Variants in HACL1 observed in about 807,000 individuals in gnomAD.
HACL1 encodes the protein 1600020H07Rik.
HACL1 carries 64 observed loss-of-function variants against 74.2 expected under a neutral mutation model. The ratio of observed to expected loss-of-function variants is 0.86; its 90% confidence interval spans 0.70 to 1.06. HACL1 has a LOEUF of 1.06. Among genes scored for constraint, HACL1 ranks in the 50% least tolerant of loss-of-function variants. HACL1 has a pLI of 0.00. For synonymous variants in HACL1, 230 were observed against 238.8 expected (o/e 0.96, Z 0.34); for missense variants, 728 against 719.7 (o/e 1.01, Z -0.13).
intron 5 of HACL1, 93 bp from the exon 6 acceptor site, chr3:15,586,695 T>C (rs559615554): frequency 2.8e-5 from 21 of 748,404 alleles, no homozygotes; most frequent in Non-Finnish European, 4.2e-5. Flanking sequence ...ATTTCTTTTA[T>C]GTTTAGAGGC....
At chr3:15,581,447 C>T (rs759187209) in intron 8 of HACL1, among the ~76,000 whole-genome samples, 10 of 152,300 alleles carry the variant, frequency 6.6e-5, no homozygotes, top group Admixed American at 6.5e-5. Flanking sequence ...ATGCTCCACT[C>T]TACAAAACTA....
At chr3:15,592,133 C>CAT (rs1559560934) in intron 3 of HACL1, among the ~76,000 whole-genome samples, 6 of 147,600 alleles carry the variant, frequency 4.1e-5, no homozygotes, top group African/African-American at 1.3e-4. Context: ...CGTATACATA[C>CAT]GTGTATATAT....
intron 14 of HACL1, among the ~76,000 whole-genome samples, chr3:15,566,642 C>T (rs997382801): frequency 1.3e-5 from 2 of 151,290 alleles, no homozygotes; most frequent in African/African-American, 4.9e-5. Context: ...GGTGACAAAG[C>T]AAGACCCCAT....
chr3:15,592,530 A>ACGTGTGCG, intron 3 of HACL1, among the ~76,000 whole-genome samples: 1 of 144,004 alleles, frequency 6.9e-6, no homozygotes, highest in African/African-American at 2.5e-5. Context: ...ACATATACAC[A>ACGTGTGCG]TGTATACACA....
chr3:15,585,265 C>A lies in HACL1; in HGVS notation c.537G>T (p.Val179=). 6.4e-7 allele frequency: 1 copy of A among 1,564,670 alleles called. No individual in the cohort carries two copies. The highest frequency in any genetic ancestry group is 8.8e-7 in the Non-Finnish European group (1 of 1,135,050). The part of the protein sequence containing the change: ...DIPADFVNLQ[V]NVNSIKYMER... ...TTACTCACTTTATAGAATTCACATT[C>A]ACCTGAAGGTTCACAAAATCTGCTG... Residue 179 remains valine, a synonymous_variant, in exon 7 of 17, where the codon GTG becomes GTT. Coordinates refer to ENST00000321169, the MANE Select transcript of HACL1 (RefSeq NM_012260.4).
intron 3 of HACL1, among the ~76,000 whole-genome samples, chr3:15,593,844 C>T (rs1000154353): frequency 2.1e-5 from 3 of 141,712 alleles, no homozygotes; most frequent in Non-Finnish European, 4.5e-5. Context: ...GTTCCCCAGG[C>T]TGCAGTGCAA....
At chr3:15,572,046 G>C (rs1434135097) in intron 11 of HACL1, among the ~76,000 whole-genome samples, 1 of 151,636 alleles carries the variant, frequency 6.6e-6, no homozygotes, top group African/African-American at 2.4e-5. Context: ...CACCATGTTG[G>C]CCAGGCTGGT....
chr3:15,593,846 G>T lies in HACL1; in HGVS notation c.228-2166C>A, dbSNP rs568018759. 2.3e-5 allele frequency among the ~76,000 whole-genome samples: 3 copies of T among 132,156 alleles called. No homozygotes were observed. In the South Asian group the frequency reaches 6.9e-4, roughly 30 times the overall value. The allele number at this position is 132,156 out of a possible 152,430, so 86.7% of individuals were successfully genotyped here. ...AAGTCTCGTTCTTGTTCCCCAGGCTGCAGTGCAATGGTGTGATCTCGGCTC... is the reference window on the plus strand; with the variant it reads ...AAGTCTCGTTCTTGTTCCCCAGGCTTCAGTGCAATGGTGTGATCTCGGCTC... On this transcript the variant is annotated intron_variant, in intron 3 of 16. Transcript: ENST00000321169.
At chr3:15,566,065 G>A (rs761355580) in intron 14 of HACL1, among the ~76,000 whole-genome samples, 6 of 152,052 alleles carry the variant, frequency 3.9e-5, no homozygotes, top group Admixed American at 3.9e-4. Flanking sequence ...TTGGATTTTG[G>A]TATTTGAGGA....
Position 15,589,596 on chromosome 3 carries a change from C to A in HACL1, c.325G>T (p.Gly109Cys). Residue 109 changes from glycine to cysteine, a missense_variant, in exon 5 of 17, where the codon GGT (glycine) becomes TGT (cysteine). Coordinates refer to ENST00000321169, the MANE Select transcript of HACL1 (RefSeq NM_012260.4). Reference protein sequence around the residue: ...NMNCWPLLVIGGSSERNQETM... With the variant: ...NMNCWPLLVICGSSERNQETM... ...TCTTGGTTTCTTTCAGAGGAACCAC[C>A]AATCACAAGCAAGGGCCTGAAACAA... The A allele has an allele frequency of 6.2e-7, 1 of 1,606,092 alleles. No individual in the cohort carries two copies. The highest frequency in any genetic ancestry group is 8.5e-7 in the Non-Finnish European group (1 of 1,172,876).
chr3:15,598,542 A>G (rs535759078), intron 2 of HACL1, among the ~76,000 whole-genome samples: 6 of 152,206 alleles, frequency 3.9e-5, no homozygotes, highest in Non-Finnish European at 8.8e-5. Context: ...TGCTGTGAGG[A>G]TGAAATCAGT....
At chr3:15,567,716 A>G (rs2063461351) in intron 14 of HACL1, 128 bp downstream of exon 14, 1 of 822,824 alleles carries the variant, frequency 1.2e-6, no homozygotes, top group Non-Finnish European at 2.0e-6. Flanking sequence ...CATCCTCAGG[A>G]CAGAACACAG....
chr3:15,573,890 G>T (rs2063577824), intron 10 of HACL1, among the ~76,000 whole-genome samples: 1 of 152,202 alleles, frequency 6.6e-6, no homozygotes, highest in African/African-American at 2.4e-5. Context: ...CCCCAAAGGG[G>T]ATGTATCTCA....
At chr3:15,572,128 C>A (rs2063546821) in intron 11 of HACL1, among the ~76,000 whole-genome samples, 1 of 152,132 alleles carries the variant, frequency 6.6e-6, no homozygotes, top group Admixed American at 6.5e-5. Flanking sequence ...GGATGAGCCA[C>A]CATGCCCAGT....
In HACL1 at chr3:15,601,206, AG is replaced by A; in HGVS notation, c.82-13del. 3.1e-6 allele frequency: 5 copies of A among 1,593,484 alleles called. No individual in the cohort carries two copies. Among genetic ancestry groups the A allele is most frequent in the Non-Finnish European group, 4.3e-6 (5 of 1,161,140 alleles). On this transcript the variant is annotated splice_polypyrimidine_tract_variant and intron_variant, in intron 1 of 16. Coordinates refer to ENST00000321169, the MANE Select transcript of HACL1 (RefSeq NM_012260.4). Reference sequence around the variant, plus strand: ...ATGTACTCCACATCCTGAGGAACGAAGAACAGGGGAGTAAACTCCCAAGGCC... The same window carrying A: ...ATGTACTCCACATCCTGAGGAACGAAAACAGGGGAGTAAACTCCCAAGGCC...
At chr3:15,562,920 C>T (rs778664281) in intron 16 of HACL1, among the ~76,000 whole-genome samples, 2 of 152,040 alleles carry the variant, frequency 1.3e-5, no homozygotes, top group Non-Finnish European at 2.9e-5. Flanking sequence ...TCCCCTTTGC[C>T]GAGTTAGTCT....
chr3:15,568,036 G>A, intron 13 of HACL1, 34 bp from the exon 14 acceptor site: 1 of 1,598,828 alleles, frequency 6.3e-7, no homozygotes, highest in Non-Finnish European at 8.6e-7. Flanking sequence ...GAAACCCTCT[G>A]GGGCATGTCA....
chr3:15,579,335 T>C (rs937794845), intron 9 of HACL1, among the ~76,000 whole-genome samples: 2 of 152,272 alleles, frequency 1.3e-5, no homozygotes, highest in South Asian at 2.1e-4. Context: ...CTGCAGAAAC[T>C]ATTATAATTT....
chr3:15,585,818 A>G (rs1478896947), intron 6 of HACL1, among the ~76,000 whole-genome samples: 2 of 152,176 alleles, frequency 1.3e-5, no homozygotes, highest in Non-Finnish European at 2.9e-5. Flanking sequence ...CTGTAATCCA[A>G]AAATCCAAAA....
Sources: allele counts gnomAD v4.1 joint callset (sites outside exome capture counted in the v4.1 genomes callset), GRCh38; gene constraint gnomAD v4.1.1; transcripts MANE v1.5; gene names NCBI Gene and HGNC (gene_info 2026-07-23, HGNC 2026-07-21).